TARM1: variants seen among roughly 807,000 people sequenced by gnomAD.
TARM1 encodes the protein T-cell-interacting, activating receptor on myeloid cells protein 1.
TARM1 carries 24 observed loss-of-function variants against 30.4 expected under a neutral mutation model. That is an observed-to-expected ratio of 0.79 (90% CI 0.57 to 1.11). The LOEUF (loss-of-function observed/expected upper bound fraction) is 1.11. Among genes scored for constraint, TARM1 ranks in the 50% least tolerant of loss-of-function variants. TARM1 has a pLI of 0.00. For synonymous variants in TARM1, 129 were observed against 138.9 expected (o/e 0.93, Z 0.50); for missense variants, 323 against 332.8 (o/e 0.97, Z 0.23).
chr19:54,076,313 G>A (rs1351400541), intron 1 of TARM1: 5 of 726,128 alleles, frequency 6.9e-6, no homozygotes, highest in East Asian at 7.7e-5. Flanking sequence ...ACAGAGTCTC[G>A]CTCTTTCTTT....
chr19:54,075,748 G>T, intron 2 of TARM1, 135 bp downstream of exon 2: 4 of 964,696 alleles, frequency 4.1e-6, no homozygotes, highest in Non-Finnish European at 6.2e-6. Context: ...AGCCGAGATT[G>T]CACCACCGCA....
chr19:54,075,850 G>T, intron 2 of TARM1, 33 bp downstream of exon 2: 1 of 1,549,904 alleles, frequency 6.5e-7, no homozygotes, highest in South Asian at 1.2e-5. Context: ...TGGGATGACA[G>T]GCCAAGGAGG....
intron 4 of TARM1, among the ~76,000 whole-genome samples, chr19:54,071,973 A>C (rs1028052959): frequency 6.6e-6 from 1 of 151,968 alleles, no homozygotes; most frequent in Non-Finnish European, 1.5e-5. Flanking sequence ...CGGGCAGATC[A>C]CGAGGTCAGG....
At chr19:54,075,820 G>C in intron 2 of TARM1, 63 bp downstream of exon 2, 1 of 1,502,558 alleles carries the variant, frequency 6.7e-7, no homozygotes, top group Middle Eastern at 1.7e-4. Flanking sequence ...GGGGGAAGGG[G>C]AAGAGAACAG....
chr19:54,076,654 G>A (rs2071964437), intron 1 of TARM1: 1 of 156,642 alleles, frequency 6.4e-6, no homozygotes, highest in Non-Finnish European at 1.4e-5. Context: ...TGAGCTTTGT[G>A]CCCAGCTTCT....
At chr19:54,072,536 G>T (rs587689685) in intron 4 of TARM1, among the ~76,000 whole-genome samples, 1 of 152,114 alleles carries the variant, frequency 6.6e-6, no homozygotes, top group South Asian at 2.1e-4. Flanking sequence ...TTGAAACTGG[G>T]TCTCACTATG....
At chr19:54,077,698 T>A (rs2071991126) in intron 1 of TARM1, among the ~76,000 whole-genome samples, 1 of 151,626 alleles carries the variant, frequency 6.6e-6, no homozygotes, top group African/African-American at 2.4e-5. Context: ...ATAAACACAG[T>A]GTGCTCTATA....
At chr19:54,080,128 G>GAAAAAAGAAAGAAAGAAAGA (rs2072072082) in intron 1 of TARM1, among the ~76,000 whole-genome samples, 1 of 38,722 alleles carries the variant, frequency 2.6e-5, no homozygotes, top group African/African-American at 9.3e-5. Context: ...AGGAAGGAAG[G>GAAAAAAGAAAGAAAGAAAGA]AAGGAAGGAA....
intron 1 of TARM1, among the ~76,000 whole-genome samples, chr19:54,078,444 T>C (rs1432791774): frequency 2.0e-5 from 3 of 151,912 alleles, no homozygotes; most frequent in African/African-American, 4.8e-5. Flanking sequence ...AATGGCATGA[T>C]CTCGGCTCAC....
chr19:54,080,151 GCA>G lies in TARM1; in HGVS notation c.34+1154_34+1155del, dbSNP rs2072079874. 5.9e-5 allele frequency among the ~76,000 whole-genome samples: 6 copies of G among 101,752 alleles called. 1 individual carries two copies. The highest frequency in any genetic ancestry group is 8.5e-5 in the Non-Finnish European group (4 of 47,044). 66.8% of individuals were successfully genotyped at this position (101,752 alleles called of 152,430 possible). ...AGGAAGGAAGGAAGAAAGCAAGCAA[GCA>G]AGCAAGCAAGCAAGCAAGCAAGCAA... is the stretch of plus-strand genomic sequence containing the variant. On this transcript the variant is annotated intron_variant, in intron 1 of 4. Coordinates refer to ENST00000432826, the MANE Select transcript of TARM1 (RefSeq NM_001135686.3).
intron 1 of TARM1, among the ~76,000 whole-genome samples, chr19:54,077,919 A>T (rs587750334): frequency 9.9e-5 from 15 of 151,206 alleles, no homozygotes; most frequent in African/African-American, 3.2e-4. Context: ...GGTTCAAGTG[A>T]TTCTCCTGCC....
intron 2 of TARM1, 25 bp from the exon 3 acceptor site, chr19:54,075,139 T>A: frequency 3.9e-6 from 6 of 1,543,452 alleles, no homozygotes; most frequent in Non-Finnish European, 5.3e-6. Flanking sequence ...AGCCTGATGC[T>A]GGACCCGATG....
At chr19:54,071,761 G>C (rs1404937247) in intron 4 of TARM1, among the ~76,000 whole-genome samples, 2 of 152,062 alleles carry the variant, frequency 1.3e-5, no homozygotes, top group African/African-American at 2.4e-5. Context: ...GGGTTGGGGG[G>C]TGGAGGCTGC....
chr19:54,075,665 C>T (rs1229847259), intron 2 of TARM1, among the ~76,000 whole-genome samples: 2 of 151,658 alleles, frequency 1.3e-5, no homozygotes, highest in African/African-American at 4.8e-5. Context: ...TGGTGGCAAG[C>T]ACCCGTAGTC....
chr19:54,070,280 TG>T, intron 4 of TARM1, 120 bp from the exon 5 acceptor site: 1 of 1,403,786 alleles, frequency 7.1e-7, no homozygotes, highest in Non-Finnish European at 9.4e-7. Flanking sequence ...TTTTTTTTTT[TG>T]AGACGGAGTT....
At chr19:54,080,132 G>GAAAGAAAGAAAGAAAGAAAGA (rs2072073272) in intron 1 of TARM1, among the ~76,000 whole-genome samples, 1 of 51,878 alleles carries the variant, frequency 1.9e-5, no homozygotes, top group African/African-American at 7.0e-5. Flanking sequence ...AGGAAGGAAG[G>GAAAGAAAGAAAGAAAGAAAGA]AAGGAAGAAA....
At chr19:54,076,266 TTTCTTTCATTCA>T (rs2146216013) in intron 1 of TARM1, 1 of 1,464,618 alleles carries the variant, frequency 6.8e-7, no homozygotes, top group Non-Finnish European at 9.2e-7. Flanking sequence ...TTCTTTTTTC[TTTCTTTCATTCA>T]TTCTTTCTTT....
Position 54,074,804 on chromosome 19 carries a change from G to A in TARM1, c.361+20C>T, listed in dbSNP as rs587766665. The A allele has an allele frequency of 6.5e-7, 1 of 1,547,046 alleles. No homozygotes were observed. Among genetic ancestry groups the A allele is most frequent in the Non-Finnish European group, 8.7e-7 (1 of 1,143,522 alleles). ...CATCCCCTGTCCCCCGTATGTCATTGGCAGGCACCCTGTCTGTACCTGTCA... is the reference window on the plus strand; with the variant it reads ...CATCCCCTGTCCCCCGTATGTCATTAGCAGGCACCCTGTCTGTACCTGTCA... On this transcript the variant is annotated intron_variant, in intron 3 of 4. Coordinates refer to ENST00000432826, the MANE Select transcript of TARM1 (RefSeq NM_001135686.3).
chr19:54,070,130 G>T lies in TARM1; in HGVS notation c.689C>A (p.Ser230Tyr). Residue 230 changes from serine (S) to tyrosine (Y), a missense_variant, in exon 5 of 5, where the codon TCC becomes TAC. Physicochemically the swap from Ser to Tyr is moderately radical, Grantham distance 144. Coordinates refer to ENST00000432826, the MANE Select transcript of TARM1 (RefSeq NM_001135686.3). ...VPPGTTSSNYSLGNFVRLGLA... is the reference protein window; with the variant it reads ...VPPGTTSSNYYLGNFVRLGLA... ...ACCCAGTCGTACGAAGTTACCCAGG[G>T]AGTAGTTGCTCGATGTGGTACCTGG... 6.4e-7 allele frequency: 1 copy of T among 1,551,678 alleles called. No individual in the cohort carries two copies. Among genetic ancestry groups the T allele is most frequent in the Non-Finnish European group, 8.7e-7 (1 of 1,146,984 alleles).
Sources: gnomAD v4.1 joint callset for allele counts (sites outside exome capture counted in the v4.1 genomes callset) on GRCh38, gnomAD v4.1.1 for gene constraint, MANE v1.5 for transcripts, NCBI Gene and HGNC (gene_info 2026-07-23, HGNC 2026-07-21) for gene names.